Variants in CLN6 observed in about 807,000 individuals in gnomAD.
The protein encoded by CLN6 is CLN6 transmembrane ER protein.
CLN6 carries 22 observed loss-of-function variants against 33.3 expected under a neutral mutation model. That is an observed-to-expected ratio of 0.66 (90% CI 0.47 to 0.94). The LOEUF is 0.94. Ranked by LOEUF, CLN6 falls within the 40% of genes least tolerant of loss-of-function variation. The pLI, the probability that CLN6 is intolerant of heterozygous loss-of-function variation, is 0.00. For synonymous variants in CLN6, 201 were observed against 174.6 expected, an observed-to-expected ratio of 1.15 and a Z score of -1.19; for missense variants, 387 against 417.1, an observed-to-expected ratio of 0.93 and a Z score of 0.63.
intron 1 of CLN6, among the ~76,000 whole-genome samples, chr15:68,244,150 A>AATT (rs886678756): frequency 1.3e-5 from 2 of 152,094 alleles, no homozygotes; most frequent in Non-Finnish European, 2.9e-5. Context: ...TAATAATAAT[A>AATT]ATAACAGAAA....
intron 2 of CLN6, among the ~76,000 whole-genome samples, chr15:68,215,821 G>C (rs1256849578): frequency 6.6e-6 from 1 of 152,176 alleles, no homozygotes; most frequent in African/African-American, 2.4e-5. Context: ...ATTATGGTTA[G>C]AAGGGAAAAG....
chr15:68,208,554 A>G lies in CLN6; in HGVS notation c.666-144T>C. The stretch of plus-strand genomic sequence containing the variant: ...AGGGCTCAGAGAACTATGCCGCTCT[A>G]AGCCACAGCCCATGGGCAGCATATT... On this transcript the variant is annotated intron_variant, in intron 6 of 6. Coordinates refer to ENST00000249806, the MANE Select transcript of CLN6 (RefSeq NM_017882.3). This position sits in a 1 kb window ranked among gnomAD's most constrained non-coding sequence, Gnocchi z 5.8. The G allele has an allele frequency of 2.5e-6, 2 of 808,316 alleles. No individual in the cohort carries two copies. The highest frequency in any genetic ancestry group is 4.0e-6 in the Non-Finnish European group (2 of 494,010). The allele number at this position is 808,316 out of a possible 1,614,324, so 50.1% of individuals were successfully genotyped here.
At position 68,236,285 on chromosome 15, in the gene CLN6, T is replaced by G. The variant is rs1286735327; in HGVS notation, c.180-17635A>C. On this transcript the variant is annotated intron_variant, in intron 1 of 6. Coordinates refer to the CLN6 transcript ENST00000538696. This position sits in a 1 kb window ranked among gnomAD's most constrained non-coding sequence, Gnocchi z 4.5. Reference sequence around the variant, plus strand: ...AGGACCAAGAGCTCTGAAAAAAAAGTCCACAGAAAAACTTACAGATGAATG... The same window carrying G: ...AGGACCAAGAGCTCTGAAAAAAAAGGCCACAGAAAAACTTACAGATGAATG... 6.6e-6 allele frequency among the ~76,000 whole-genome samples: 1 copy of G among 151,844 alleles called. No homozygotes were observed. The highest frequency in any genetic ancestry group is 1.5e-5 in the Non-Finnish European group (1 of 67,976).
chr15:68,208,526 G>C lies in CLN6; in HGVS notation c.666-116C>G. 2 of 1,126,462 alleles carry C rather than the reference G, an allele frequency of 1.8e-6. No individual in the cohort carries two copies. Among genetic ancestry groups the C allele is most frequent in the Non-Finnish European group, 2.6e-6 (2 of 765,106 alleles). The allele number at this position is 1,126,462 out of a possible 1,614,324, so 69.8% of individuals were successfully genotyped here. A position where few individuals can be genotyped will look rare whatever the true frequency, so the allele number is the denominator to read the frequency against. On this transcript the variant is annotated intron_variant, in intron 6 of 6. Coordinates refer to ENST00000249806, the MANE Select transcript of CLN6 (RefSeq NM_017882.3). This position sits in a 1 kb window ranked among gnomAD's most constrained non-coding sequence, Gnocchi z 5.8. ...CAGGCAGGCAGAAGAGTCCTCTGGT[G>C]CCAGGGCTCAGAGAACTATGCCGCT...
At chr15:68,231,977 C>G (rs1405566999), upstream of CLN6, among the ~76,000 whole-genome samples, 1 of 152,146 alleles carries the variant, frequency 6.6e-6, no homozygotes, top group Non-Finnish European at 1.5e-5. Flanking sequence ...TTGTGATTAT[C>G]TGAGAACATG....
chr15:68,254,783 A>G lies in CLN6; in HGVS notation c.179+1907T>C. 9.0e-6 allele frequency: 8 copies of G among 891,370 alleles called. No individual in the cohort carries two copies. In the South Asian group the frequency reaches 9.1e-5, roughly 10 times the overall value. The allele number at this position is 891,370 out of a possible 1,614,324, so 55.2% of individuals were successfully genotyped here. On this transcript the variant is annotated intron_variant, in intron 1 of 6. Coordinates refer to the CLN6 transcript ENST00000538696. ...AAAGGCCCCTGCAAAGAAGGGAGAG[A>G]AGGTACCAAAAGGGAAAAGGGAAAA...
intron 1 of CLN6, among the ~76,000 whole-genome samples, chr15:68,235,874 A>G (rs1021661590): frequency 1.3e-5 from 2 of 152,236 alleles, no homozygotes; most frequent in African/African-American, 4.8e-5. Context: ...GAATATAGCA[A>G]TGAATGAAAC....
At chr15:68,230,329 G>A (rs570401968), upstream of CLN6, among the ~76,000 whole-genome samples, 2 of 152,130 alleles carry the variant, frequency 1.3e-5, no homozygotes, top group Non-Finnish European at 2.9e-5. This position sits in a 1 kb window ranked among gnomAD's most constrained non-coding sequence, Gnocchi z 4.0. Context: ...AGCAGATTTC[G>A]TGTAAATAAA....
In CLN6 at chr15:68,209,966, G is replaced by T. The variant is rs375959900; in HGVS notation, c.543-207C>A. On this transcript the variant is annotated intron_variant, in intron 5 of 6. Transcript: ENST00000249806. The surrounding 1 kb of genome is among the most constrained non-coding windows in gnomAD (Gnocchi z 4.9). ...AAACAGAAACAGGAAGGCAACGCAC[G>T]TGTGAGTCAGAGGCCCAGAGGCATC... is the stretch of plus-strand genomic sequence containing the variant. 1.3e-5 allele frequency among the ~76,000 whole-genome samples: 2 copies of T among 152,252 alleles called. No homozygotes were observed. Among genetic ancestry groups the T allele is most frequent in the African/African-American group, 4.8e-5 (2 of 41,540 alleles).
At position 68,256,688 on chromosome 15, in the gene CLN6, A is replaced by G. The variant is rs1267955219; in HGVS notation, c.179+2T>C. 1.5e-6 allele frequency: 1 copy of G among 662,968 alleles called. No homozygotes were observed. The highest frequency in any genetic ancestry group is 2.4e-5 in the Admixed American group (1 of 42,184). The allele number at this position is 662,968 out of a possible 1,614,324, so 41.1% of individuals were successfully genotyped here. A position where few individuals can be genotyped will look rare whatever the true frequency, so the allele number is the denominator to read the frequency against. ...CGCTGCTCTCATTGCCTTGAAACTT[A>G]CTTTTTACCTTTGAATTTGAGTTTT... On this transcript the variant is annotated splice_donor_variant, in intron 1 of 6. Transcript: ENST00000538696. LOFTEE classifies it high-confidence loss of function. The surrounding 1 kb of genome is among the most constrained non-coding windows in gnomAD (Gnocchi z 4.1).
At chr15:68,232,113 C>A (rs1252834974), upstream of CLN6, among the ~76,000 whole-genome samples, 1 of 150,840 alleles carries the variant, frequency 6.6e-6, no homozygotes, top group East Asian at 1.9e-4. The surrounding 1 kb of genome is among the most constrained non-coding windows in gnomAD (Gnocchi z 4.7). Flanking sequence ...TTTGACTTTT[C>A]TTTTAGTAGA....
chr15:68,229,741 A>C (rs1034735822), upstream of CLN6: 1 of 353,968 alleles, frequency 2.8e-6, no homozygotes, highest in Non-Finnish European at 4.4e-6. Context: ...GGGGCTGCGG[A>C]CCCGGGGCGG....
chr15:68,228,915 T>C lies in CLN6; in HGVS notation c.83+587A>G, dbSNP rs950283674. Among the ~76,000 whole-genome samples, 5 of 152,104 alleles carry C rather than the reference T, an allele frequency of 3.3e-5. No homozygotes were observed. Among genetic ancestry groups the C allele is most frequent in the African/African-American group, 1.2e-4 (5 of 41,412 alleles). ...ATGGAGCTCTGCTCGCCCAACGAGA[T>C]AAACCAAAAACTGAGAAGGGCTCCT... On this transcript the variant is annotated intron_variant, in intron 1 of 6. Transcript: ENST00000249806. This position sits in a 1 kb window ranked among gnomAD's most constrained non-coding sequence, Gnocchi z 4.4.
rs983503964 is a variant in CLN6 at position 68,210,675 on chromosome 15, C to T, written c.542+588G>A. Among the ~76,000 whole-genome samples the T allele has an allele frequency of 1.3e-5, 2 of 152,120 alleles. No individual in the cohort carries two copies. The highest frequency in any genetic ancestry group is 2.9e-5 in the Non-Finnish European group (2 of 67,988). ...GCCTCCCAGCCTGGGCCCGGGATCT[C>T]CTGAGGCTGAGACCACATTTCTGAG... On this transcript the variant is annotated intron_variant, in intron 5 of 6. Coordinates refer to ENST00000249806, the MANE Select transcript of CLN6 (RefSeq NM_017882.3). The surrounding 1 kb of genome is among the most constrained non-coding windows in gnomAD (Gnocchi z 5.6).
chr15:68,233,205 TAC>T (rs1413656017), upstream of CLN6, among the ~76,000 whole-genome samples: 1 of 149,904 alleles, frequency 6.7e-6, no homozygotes, highest in African/African-American at 2.5e-5. The surrounding 1 kb of genome is among the most constrained non-coding windows in gnomAD (Gnocchi z 4.3). Context: ...CACTCCCCAA[TAC>T]AGTGTTAGCA....
rs1412245623 is a variant in CLN6 at position 68,207,100 on chromosome 15, G to T, written c.*1040C>A. 1 of 152,202 alleles carries T rather than the reference G, an allele frequency of 6.6e-6. No homozygotes were observed. The highest frequency in any genetic ancestry group is 1.5e-5 in the Non-Finnish European group (1 of 68,062). 9.4% of individuals were successfully genotyped at this position (152,202 alleles called of 1,614,324 possible). ...ACTTCCTGTGGGTCCCTTCCCTTCTGTCCCTGACTCTGTAGACCCCCCACA... is the reference window on the plus strand; with the variant it reads ...ACTTCCTGTGGGTCCCTTCCCTTCTTTCCCTGACTCTGTAGACCCCCCACA... On this transcript the variant is annotated 3_prime_UTR_variant, in exon 7 of 7. Coordinates refer to ENST00000249806, the MANE Select transcript of CLN6 (RefSeq NM_017882.3).
rs575364165 is a variant in CLN6, at chr15:68,207,813, A to G, written c.*327T>C. ...AGAAGATGTCCGGGAAGAACAGACTAGCCCTGAGTAGGGAGTGTGGTCAGG... is the reference window on the plus strand; with the variant it reads ...AGAAGATGTCCGGGAAGAACAGACTGGCCCTGAGTAGGGAGTGTGGTCAGG... On this transcript the variant is annotated 3_prime_UTR_variant, in exon 7 of 7. Coordinates refer to ENST00000249806, the MANE Select transcript of CLN6 (RefSeq NM_017882.3). 4.9e-6 allele frequency: 2 copies of G among 405,398 alleles called. No individual in the cohort carries two copies. The highest frequency in any genetic ancestry group is 3.7e-5 in the Admixed American group (1 of 27,250). The allele number at this position is 405,398 out of a possible 1,614,324, so 25.1% of individuals were successfully genotyped here. A position where few individuals can be genotyped will look rare whatever the true frequency, so the allele number is the denominator to read the frequency against.
intron 1 of CLN6, among the ~76,000 whole-genome samples, chr15:68,245,095 T>A: frequency 1.4e-5 from 2 of 140,398 alleles, no homozygotes. Flanking sequence ...AGACAACAAA[T>A]AGTCAAAATG....
At position 68,208,549 on chromosome 15, in the gene CLN6, G is replaced by A. The variant is rs529716873; in HGVS notation, c.666-139C>T. ...GTGCCAGGGCTCAGAGAACTATGCCGCTCTAAGCCACAGCCCATGGGCAGC... is the reference window on the plus strand; with the variant it reads ...GTGCCAGGGCTCAGAGAACTATGCCACTCTAAGCCACAGCCCATGGGCAGC... On this transcript the variant is annotated intron_variant, in intron 6 of 6. Transcript: ENST00000249806. The surrounding 1 kb of genome is among the most constrained non-coding windows in gnomAD (Gnocchi z 5.8). 259 of 847,418 alleles carry A rather than the reference G, an allele frequency of 3.1e-4. 1 individual carries two copies. Among genetic ancestry groups the A allele is most frequent in the Non-Finnish European group, 4.2e-4 (222 of 528,540 alleles). 52.5% of individuals were successfully genotyped at this position (847,418 alleles called of 1,614,324 possible). A position where few individuals can be genotyped will look rare whatever the true frequency, so the allele number is the denominator to read the frequency against.
Sources: allele counts gnomAD v4.1 joint callset (sites outside exome capture counted in the v4.1 genomes callset), GRCh38; gene constraint gnomAD v4.1.1; non-coding constraint Gnocchi (gnomAD v3.1); transcripts MANE v1.5; gene names NCBI Gene and HGNC (gene_info 2026-07-23, HGNC 2026-07-21).